Variants in ABCC4 observed in about 807,000 individuals in gnomAD.
ABCC4 encodes the protein ATP-binding cassette sub-family C member 4.
Under a neutral mutation model 168.5 loss-of-function variants are expected in ABCC4, and 102 were observed. The observed-to-expected ratio is 0.61, with a 90% confidence interval of 0.52 to 0.71. The LOEUF is 0.71. Ranked by LOEUF, ABCC4 falls within the 30% of genes least tolerant of loss-of-function variation. The pLI, the probability that ABCC4 is intolerant of heterozygous loss-of-function variation, is 0.00. For missense variants in ABCC4, 1,402 were observed against 1,605.8 expected (o/e 0.87, Z 2.17); for synonymous variants, 617 against 590.7 (o/e 1.04, Z -0.65).
In ABCC4 at chr13:95,238,148, C is replaced by T. The variant is rs182006532; in HGVS notation, c.307-3314G>A. Among the ~76,000 whole-genome samples, 132 of 144,724 alleles carry T rather than the reference C, an allele frequency of 9.1e-4. 1 individual carries two copies. Among genetic ancestry groups the T allele is most frequent in the African/African-American group, 3.1e-3 (119 of 38,090 alleles). 94.9% of individuals were successfully genotyped at this position (144,724 alleles called of 152,430 possible). The stretch of plus-strand genomic sequence containing the variant: ...AGGTAAGGCTGCAGTGAGCCAAGAT[C>T]GCGCCACTGCACTCCAGCCTGGAGA... On this transcript the variant is annotated intron_variant, in intron 3 of 30. Transcript: ENST00000645237.
At chr13:95,172,767 C>CA (rs1244376233) in intron 13 of ABCC4, among the ~76,000 whole-genome samples, 1 of 147,428 alleles carries the variant, frequency 6.8e-6, no homozygotes, top group Non-Finnish European at 1.5e-5. Flanking sequence ...CCCATCTCTA[C>CA]AAAAAAACAC....
At position 95,101,321 on chromosome 13, in the gene ABCC4, A is replaced by G. The variant is rs118141052; in HGVS notation, c.2535+14601T>C. Reference sequence around the variant, plus strand: ...CTTTGTGTTCCATGAAAGGATATGAAAAGTCAGTTATTTAAGCTCAGTCAA... The same window carrying G: ...CTTTGTGTTCCATGAAAGGATATGAGAAGTCAGTTATTTAAGCTCAGTCAA... On this transcript the variant is annotated intron_variant, in intron 20 of 30. Coordinates refer to ENST00000645237, the MANE Select transcript of ABCC4 (RefSeq NM_005845.5). 2.9e-3 allele frequency among the ~76,000 whole-genome samples: 447 copies of G among 152,002 alleles called. 1 individual carries two copies. Among genetic ancestry groups the G allele is most frequent in the Non-Finnish European group, 4.6e-3 (314 of 67,996 alleles).
chr13:95,224,224 A>T (rs572632365), intron 4 of ABCC4, among the ~76,000 whole-genome samples: 1 of 151,942 alleles, frequency 6.6e-6, no homozygotes, highest in South Asian at 2.1e-4. Flanking sequence ...AAAGAGAAAC[A>T]TTACAAACAA....
intron 3 of ABCC4, among the ~76,000 whole-genome samples, chr13:95,239,615 T>A (rs543773970): frequency 1.3e-5 from 2 of 152,162 alleles, no homozygotes; most frequent in Non-Finnish European, 2.9e-5. Context: ...ACAGGGATGA[T>A]AACTGTAATG....
At chr13:95,148,308 G>A (rs1267597419) in intron 19 of ABCC4, among the ~76,000 whole-genome samples, 2 of 152,054 alleles carry the variant, frequency 1.3e-5, no homozygotes, top group African/African-American at 4.8e-5. Flanking sequence ...AATTCAGCAA[G>A]GAAGAGCTGA....
In ABCC4 at chr13:95,206,522, T is replaced by A. The variant is rs1186433792; in HGVS notation, c.1161+10A>T. On this transcript the variant is annotated intron_variant, in intron 8 of 30. Coordinates refer to ENST00000645237, the MANE Select transcript of ABCC4 (RefSeq NM_005845.5). The stretch of plus-strand genomic sequence containing the variant: ...GCACCTACAACTTTAAAATGGCATC[T>A]GACACCAACCTGGATTCTTCGGATG... 6.2e-7 allele frequency: 1 copy of A among 1,610,752 alleles called. No homozygotes were observed. The highest frequency in any genetic ancestry group is 1.7e-5 in the Admixed American group (1 of 59,952).
chr13:95,104,467 C>T (rs2034927484), intron 20 of ABCC4, among the ~76,000 whole-genome samples: 1 of 152,166 alleles, frequency 6.6e-6, no homozygotes, highest in South Asian at 2.1e-4. Flanking sequence ...ACACATAATA[C>T]ATCATCTATG....
chr13:95,237,754 C>T (rs1411093143), intron 3 of ABCC4, among the ~76,000 whole-genome samples: 2 of 152,058 alleles, frequency 1.3e-5, no homozygotes, highest in East Asian at 1.9e-4. Context: ...TTCAGATATT[C>T]CTTGCCCAAC....
intron 19 of ABCC4, among the ~76,000 whole-genome samples, chr13:95,153,833 A>C (rs925984402): frequency 2.6e-5 from 4 of 152,212 alleles, no homozygotes; most frequent in Non-Finnish European, 1.5e-5. Context: ...CTGACAAAAT[A>C]ACAATAGCAA....
intron 1 of ABCC4, among the ~76,000 whole-genome samples, chr13:95,263,825 GAA>G (rs61665973): frequency 0.015 from 2,133 of 146,216 alleles, 48 homozygotes; most frequent in African/African-American, 0.051. Context: ...TCTCAAAAAA[GAA>G]AAAAAAAAAA....
intron 21 of ABCC4, among the ~76,000 whole-genome samples, chr13:95,077,316 G>A (rs1021380693): frequency 3.9e-5 from 6 of 152,126 alleles, no homozygotes; most frequent in African/African-American, 9.7e-5. Flanking sequence ...TGGGGTGTCC[G>A]GGAGAAGTTA....
rs549852009 is a variant in ABCC4, at chr13:95,215,071, T to C, written c.532-4290A>G. ...CAAGCTATAAGGAGATGGTATCAAA[T>C]GGAAACTCAGATCTACAGAAAGAAT... is the stretch of plus-strand genomic sequence containing the variant. On this transcript the variant is annotated intron_variant, in intron 4 of 30. Coordinates refer to ENST00000645237, the MANE Select transcript of ABCC4 (RefSeq NM_005845.5). Among the ~76,000 whole-genome samples, 207 of 152,214 alleles carry C rather than the reference T, an allele frequency of 1.4e-3. 1 individual carries two copies. The highest frequency in any genetic ancestry group is 2.4e-3 in the Non-Finnish European group (162 of 68,004).
chr13:95,279,808 G>A (rs1006843596), intron 1 of ABCC4, among the ~76,000 whole-genome samples: 1 of 152,068 alleles, frequency 6.6e-6, no homozygotes, highest in African/African-American at 2.4e-5. Flanking sequence ...GGGGAAGTGG[G>A]GTTCGCCATG....
chr13:95,052,132 C>T (rs2032870102), intron 27 of ABCC4, among the ~76,000 whole-genome samples: 1 of 152,128 alleles, frequency 6.6e-6, no homozygotes, highest in African/African-American at 2.4e-5. Context: ...AGGCGCACAC[C>T]ACCATACCCA....
chr13:95,200,732 A>C (rs2038601335), intron 8 of ABCC4, among the ~76,000 whole-genome samples: 1 of 152,188 alleles, frequency 6.6e-6, no homozygotes, highest in Admixed American at 6.5e-5. Context: ...AACAAAACAA[A>C]ACAAAACAAA....
chr13:95,082,365 G>A (rs1594066200), intron 21 of ABCC4, among the ~76,000 whole-genome samples: 2 of 152,284 alleles, frequency 1.3e-5, no homozygotes, highest in East Asian at 1.9e-4. Context: ...GTGGAATAGA[G>A]TGATTAATCA....
intron 4 of ABCC4, among the ~76,000 whole-genome samples, chr13:95,220,418 T>G (rs2039281787): frequency 6.6e-6 from 1 of 152,200 alleles, no homozygotes; most frequent in South Asian, 2.1e-4. Context: ...GGCCAGATAT[T>G]CAGTAATCCG....
intron 21 of ABCC4, among the ~76,000 whole-genome samples, chr13:95,078,302 C>A (rs2139322421): frequency 6.6e-6 from 1 of 152,198 alleles, no homozygotes; most frequent in East Asian, 1.9e-4. Context: ...GTCCCAACTA[C>A]TCAGGAAGCT....
intron 1 of ABCC4, among the ~76,000 whole-genome samples, chr13:95,283,307 C>T (rs1431414845): frequency 6.7e-6 from 1 of 148,306 alleles, no homozygotes; most frequent in African/African-American, 2.5e-5. Context: ...CTGATTAAAA[C>T]ACAGGCTGCT....
Sources: allele counts gnomAD v4.1 joint callset (sites outside exome capture counted in the v4.1 genomes callset), GRCh38; gene constraint gnomAD v4.1.1; transcripts MANE v1.5; gene names NCBI Gene and HGNC (gene_info 2026-07-23, HGNC 2026-07-21).